Variants in ZNF624 observed in about 807,000 individuals in gnomAD.
ZNF624 encodes zinc finger protein 624.
Under a neutral mutation model 74.7 loss-of-function variants are expected in ZNF624, and 43 were observed. That is an observed-to-expected ratio of 0.58 (90% CI 0.45 to 0.74). The LOEUF is 0.74. Among genes scored for constraint, ZNF624 ranks in the 30% least tolerant of loss-of-function variants. The pLI is 0.00. For synonymous variants in ZNF624, 331 were observed against 341.3 expected (o/e 0.97, Z 0.33); for missense variants, 820 against 1,030.0 (o/e 0.80, Z 2.79).
intron 3 of ZNF624, among the ~76,000 whole-genome samples, chr17:16,639,297 T>C (rs1384078448): frequency 6.6e-6 from 1 of 152,220 alleles, no homozygotes; most frequent in Non-Finnish European, 1.5e-5. Context: ...CATACATGTC[T>C]TATGTATATA....
At chr17:16,649,564 T>G in intron 2 of ZNF624, 94 bp downstream of exon 2, 1 of 1,096,436 alleles carries the variant, frequency 9.1e-7, no homozygotes, top group East Asian at 2.4e-5. Flanking sequence ...CCAGAAGGGG[T>G]GTCGGGGGAA....
At position 16,647,358 on chromosome 17, in the gene ZNF624, G is replaced by A. The variant is rs1180346776; in HGVS notation, c.124C>T (p.Leu42Phe). ...ACCAATTGTGTTTCTTCTGCCTGAA[G>A]GTGAAGATCTTCATCTGGCTGGGTA... is the stretch of plus-strand genomic sequence containing the variant. ...EVTQPDEDLH[L>F]QAEETQLVKE... Residue 42 changes from leucine (L) to phenylalanine (F), a missense_variant, in exon 3 of 6, where the codon CTT becomes TTT. Coordinates refer to ENST00000311331, the MANE Select transcript of ZNF624 (RefSeq NM_020787.4). The A allele has an allele frequency of 1.2e-6, 2 of 1,614,046 alleles. No homozygotes were observed. Among genetic ancestry groups the A allele is most frequent in the Non-Finnish European group, 1.7e-6 (2 of 1,180,026 alleles).
At chr17:16,649,806 A>G in intron 1 of ZNF624, 60 bp from the exon 2 acceptor site, 1 of 1,396,524 alleles carries the variant, frequency 7.2e-7, no homozygotes, top group Non-Finnish European at 1.0e-6. Context: ...AGACTCACCA[A>G]GTTGGAATCC....
In ZNF624 at chr17:16,646,645, G is replaced by A. The variant is rs1909599780; in HGVS notation, c.153+684C>T. 1.3e-5 allele frequency among the ~76,000 whole-genome samples: 2 copies of A among 152,228 alleles called. 1 individual carries two copies. Among genetic ancestry groups the A allele is most frequent in the South Asian group, 4.1e-4 (2 of 4,826 alleles). On this transcript the variant is annotated intron_variant, in intron 3 of 5. Coordinates refer to ENST00000311331, the MANE Select transcript of ZNF624 (RefSeq NM_020787.4). ...AACCTGGTTAATGTCCTACAGGACA[G>A]TAATACCATAACTTTGGGGATTATC...
intron 3 of ZNF624, among the ~76,000 whole-genome samples, chr17:16,640,658 A>G (rs1909445793): frequency 6.6e-6 from 1 of 152,182 alleles, no homozygotes; most frequent in Non-Finnish European, 1.5e-5. Flanking sequence ...AAATGGACAA[A>G]TTCGTAGAAA....
At chr17:16,638,952 A>G (rs1419735486) in intron 3 of ZNF624, among the ~76,000 whole-genome samples, 1 of 152,210 alleles carries the variant, frequency 6.6e-6, no homozygotes, top group African/African-American at 2.4e-5. Context: ...TGTATCAGAG[A>G]CTGCTCTAAG....
chr17:16,624,212 T>G lies in ZNF624; in HGVS notation c.674A>C (p.Gln225Pro), dbSNP rs1223058165. 6.2e-7 allele frequency: 1 copy of G among 1,614,220 alleles called. No individual in the cohort carries two copies. Among genetic ancestry groups the G allele is most frequent in the South Asian group, 1.1e-5 (1 of 91,088 alleles). ...CTCTGTGAAATTTTCCTCTTGTGTT[T>G]GGCATCTGCTGTGAAGCTCTTCTGT... Reference protein sequence around the residue: ...IATEELHSRCQTQEENFTENL... With the variant: ...IATEELHSRCPTQEENFTENL... Residue 225 changes from glutamine to proline, a missense_variant, in exon 6 of 6, where the codon CAA (glutamine) becomes CCA (proline). By Grantham distance (76) the Gln-to-Pro change is moderately conservative (BLOSUM62 -1). Transcript: ENST00000311331.
intron 5 of ZNF624, among the ~76,000 whole-genome samples, chr17:16,628,828 G>A (rs1234741136): frequency 6.6e-6 from 1 of 151,762 alleles, no homozygotes; most frequent in Non-Finnish European, 1.5e-5. Context: ...TCTTCAGCAT[G>A]AGAAATATGA....
At chr17:16,633,797 G>C (rs1909259876) in intron 5 of ZNF624, 65 bp downstream of exon 5, 1 of 1,236,336 alleles carries the variant, frequency 8.1e-7, no homozygotes, top group Admixed American at 1.9e-5. Flanking sequence ...AGATGTTCTG[G>C]TGAACATCCC....
At chr17:16,631,863 C>T (rs1184037217) in intron 5 of ZNF624, 2 of 152,010 alleles carry the variant, frequency 1.3e-5, no homozygotes. Context: ...AATGATAAAC[C>T]GATAGTATGC....
chr17:16,632,724 T>G (rs569512749), intron 5 of ZNF624, among the ~76,000 whole-genome samples: 1 of 152,324 alleles, frequency 6.6e-6, no homozygotes, highest in Admixed American at 6.5e-5. Flanking sequence ...ACCTTTTAAC[T>G]TACTGCCTGC....
At position 16,649,728 on chromosome 17, in the gene ZNF624, G is replaced by A. The variant is rs759469844; in HGVS notation, c.17C>T (p.Ser6Phe). The change falls in exon 2 of 6, where the codon TCC becomes TTC. Residue 6 changes from serine to phenylalanine, a missense_variant. Coordinates refer to ENST00000311331, the MANE Select transcript of ZNF624 (RefSeq NM_020787.4). MSLQD[S>F]TLSREGKPEG... ...TGGTTTCCCCTCTCTGGAAAGAGTG[G>A]AGTCTTGCAAAGACATACCTAAGGA... 6.2e-7 allele frequency: 1 copy of A among 1,613,714 alleles called. No individual in the cohort carries two copies.
chr17:16,617,894 CG>C, downstream of ZNF624: 1 of 1,551,738 alleles, frequency 6.4e-7, no homozygotes, highest in South Asian at 1.1e-5. Context: ...CCGTGGCGGG[CG>C]GGGGCCCAAG....
chr17:16,642,388 T>C (rs1264004059), intron 3 of ZNF624, among the ~76,000 whole-genome samples: 1 of 152,186 alleles, frequency 6.6e-6, no homozygotes, highest in Non-Finnish European at 1.5e-5. Context: ...GGTCAGTTGA[T>C]TTTTAATAAG....
chr17:16,623,526 TAA>T lies in ZNF624; in HGVS notation c.1358_1359del (p.Phe453Ter), dbSNP rs1569040677. The part of the protein sequence containing the change: ...PYQCNECGKS[F>X]KNTTIFNVHQ... The stretch of plus-strand genomic sequence containing the variant: ...TGCACATTAAAAATTGTGGTATTCT[TAA>T]AAGACTTCCCACACTCGTTGCACTG... On this transcript the variant is annotated frameshift_variant, in exon 6 of 6. Coordinates refer to ENST00000311331, the MANE Select transcript of ZNF624 (RefSeq NM_020787.4). LOFTEE classifies it high-confidence loss of function. This position sits in a 1 kb window ranked among gnomAD's most constrained non-coding sequence, Gnocchi z 5.3. 2 of 1,610,092 alleles carry T rather than the reference TAA, an allele frequency of 1.2e-6. No homozygotes were observed. The highest frequency in any genetic ancestry group is 1.7e-5 in the Admixed American group (1 of 59,250).
chr17:16,618,760 A>G (rs1158307726), downstream of ZNF624, among the ~76,000 whole-genome samples: 1 of 146,412 alleles, frequency 6.8e-6, no homozygotes, highest in Non-Finnish European at 1.5e-5. Flanking sequence ...TACCTAATGA[A>G]TAGTAAATAT....
chr17:16,625,029 T>A (rs1353205650), intron 5 of ZNF624, among the ~76,000 whole-genome samples: 1 of 131,300 alleles, frequency 7.6e-6, no homozygotes, highest in African/African-American at 3.6e-5. Flanking sequence ...AGAGCACGAC[T>A]GTCTCAAAAA....
At chr17:16,630,653 T>C (rs1909185153) in intron 5 of ZNF624, among the ~76,000 whole-genome samples, 1 of 152,136 alleles carries the variant, frequency 6.6e-6, no homozygotes, top group African/African-American at 2.4e-5. Context: ...AAAAAAGATA[T>C]ACTATACAAA....
At chr17:16,625,112 A>G (rs1909038747) in intron 5 of ZNF624, among the ~76,000 whole-genome samples, 1 of 151,910 alleles carries the variant, frequency 6.6e-6, no homozygotes, top group Non-Finnish European at 1.5e-5. Flanking sequence ...ACAATCTCAA[A>G]AACTGTCATA....
Sources: gnomAD v4.1 joint callset for allele counts (sites outside exome capture counted in the v4.1 genomes callset) on GRCh38, gnomAD v4.1.1 for gene constraint, Gnocchi (gnomAD v3.1) non-coding constraint, MANE v1.5 for transcripts, NCBI Gene and HGNC (gene_info 2026-07-23, HGNC 2026-07-21) for gene names.